Variants in MAPK8 observed in about 807,000 individuals in gnomAD.
The protein encoded by MAPK8 is mitogen-activated protein kinase 8.
In MAPK8, 13 loss-of-function variants were observed where a neutral mutation model predicts 52.9. The ratio of observed to expected loss-of-function variants is 0.25; its 90% CI spans 0.16 to 0.39. MAPK8 has a LOEUF of 0.39. MAPK8 is among the 10% of genes least tolerant of loss of function. MAPK8 has a pLI of 1.00. For missense variants in MAPK8, 300 were observed against 519.2 expected (o/e 0.58, Z 4.10); for synonymous variants, 191 against 169.8 (o/e 1.12, Z -0.97).
Position 48,435,056 on chromosome 10 carries a change from G to A in MAPK8, c.*27G>A. The A allele has an allele frequency of 5.8e-6, 7 of 1,214,550 alleles. No homozygotes were observed. Among genetic ancestry groups the A allele is most frequent in the Non-Finnish European group, 8.0e-6 (7 of 870,318 alleles). 75.2% of individuals were successfully genotyped at this position (1,214,550 alleles called of 1,614,324 possible). ...TACTTGGGCCATCGGGGGGTGGGAG[G>A]GATGGGGAGTCGGTTAGTCATTGAT... is the stretch of plus-strand genomic sequence containing the variant. On this transcript the variant is annotated 3_prime_UTR_variant, in exon 12 of 12. Transcript: ENST00000374189.
intron 5 of MAPK8, among the ~76,000 whole-genome samples, chr10:48,411,220 T>C (rs147180741): frequency 7.4e-4 from 113 of 152,354 alleles, no homozygotes; most frequent in African/African-American, 1.8e-3. Context: ...TTTAGTCTTA[T>C]GGGCTCTTCT....
chr10:48,381,896 G>A (rs979838268), intron 1 of MAPK8, among the ~76,000 whole-genome samples: 1 of 152,086 alleles, frequency 6.6e-6, no homozygotes, highest in African/African-American at 2.4e-5. Context: ...CAGTCATACT[G>A]AGTCGCAACT....
At chr10:48,409,421 C>T (rs1412394826) in intron 3 of MAPK8, among the ~76,000 whole-genome samples, 5 of 151,796 alleles carry the variant, frequency 3.3e-5, no homozygotes, top group African/African-American at 7.3e-5. Context: ...GGGTTAAACA[C>T]AATAGTGTGA....
At chr10:48,341,972 A>G (rs1845320207) in intron 1 of MAPK8, among the ~76,000 whole-genome samples, 2 of 152,250 alleles carry the variant, frequency 1.3e-5, no homozygotes, top group Non-Finnish European at 2.9e-5. Flanking sequence ...GGCATATGCC[A>G]AGGAACTGAG....
intron 10 of MAPK8, among the ~76,000 whole-genome samples, chr10:48,429,519 T>G (rs2044000413): frequency 6.6e-6 from 1 of 152,194 alleles, no homozygotes; most frequent in South Asian, 2.1e-4. Context: ...AGCCATTAAT[T>G]ACAGATGGCT....
chr10:48,434,992 T>A lies in MAPK8; in HGVS notation c.1247T>A (p.Leu416Gln). 6.3e-7 allele frequency: 1 copy of A among 1,598,376 alleles called. No individual in the cohort carries two copies. The highest frequency in any genetic ancestry group is 8.5e-7 in the Non-Finnish European group (1 of 1,176,114). The change falls in exon 12 of 12, where the codon CTA becomes CAA. Residue 416 changes from leucine to glutamine, a missense_variant. Transcript: ENST00000374189. ...TTGGCCTCTGATACAGACAGCAGTC[T>A]AGAAGCAGCAGCTGGGCCTCTGGGC... is the stretch of plus-strand genomic sequence containing the variant. The part of the protein sequence containing the change: ...PTLASDTDSS[L>Q]EAAAGPLGCC...
intron 1 of MAPK8, among the ~76,000 whole-genome samples, chr10:48,342,684 A>C (rs1845412894): frequency 6.6e-6 from 1 of 152,172 alleles, no homozygotes; most frequent in Admixed American, 6.5e-5. Flanking sequence ...TGATAGGAGG[A>C]GTAACTCCTC....
intron 1 of MAPK8, among the ~76,000 whole-genome samples, chr10:48,354,002 A>C (rs190562553): frequency 7.9e-5 from 12 of 152,332 alleles, no homozygotes; most frequent in Admixed American, 4.6e-4. Flanking sequence ...AAAGCGATAC[A>C]TAGCTATACA....
In MAPK8 at chr10:48,393,114, C is replaced by T. The variant is rs1032767247; in HGVS notation, c.-49-8498C>T. 4.6e-5 allele frequency among the ~76,000 whole-genome samples: 7 copies of T among 152,182 alleles called. No homozygotes were observed. The East Asian group carries it at 1.4e-3, about 29-fold the overall frequency. ...CTCATTAAATGTGGTTGTTATAAAG[C>T]TGAATCTTAGGTATCTTTTTACTTA... is the stretch of plus-strand genomic sequence containing the variant. On this transcript the variant is annotated intron_variant, in intron 1 of 11. Transcript: ENST00000374189.
At chr10:48,401,243 C>G (rs2042144237) in intron 1 of MAPK8, among the ~76,000 whole-genome samples, 1 of 152,116 alleles carries the variant, frequency 6.6e-6, no homozygotes, top group African/African-American at 2.4e-5. Flanking sequence ...TTTTTATTCT[C>G]TATAATAAGC....
At position 48,435,505 on chromosome 10, in the gene MAPK8, CA is replaced by C. The variant is rs1202407167; in HGVS notation, c.*477del. On this transcript the variant is annotated 3_prime_UTR_variant, in exon 12 of 12. Transcript: ENST00000374189. ...TATGTGCTTATCAATGAAATAACCC[CA>C]GAGGAGTGAGGGAAAATAACTTGTA... 2.6e-5 allele frequency: 4 copies of C among 152,308 alleles called. No homozygotes were observed. In the East Asian group the frequency reaches 7.7e-4, roughly 29 times the overall value. The allele number at this position is 152,308 out of a possible 1,614,324, so 9.4% of individuals were successfully genotyped here. A position where few individuals can be genotyped will look rare whatever the true frequency, so the allele number is the denominator to read the frequency against.
chr10:48,330,111 CAT>C (rs1170208984), intron 1 of MAPK8, among the ~76,000 whole-genome samples: 3 of 152,124 alleles, frequency 2.0e-5, no homozygotes, highest in Non-Finnish European at 4.4e-5. Flanking sequence ...ATACAAAAAT[CAT>C]ATTAGCTTAC....
intron 1 of MAPK8, among the ~76,000 whole-genome samples, chr10:48,314,005 C>G (rs1421023926): frequency 6.6e-6 from 1 of 152,166 alleles, no homozygotes; most frequent in Non-Finnish European, 1.5e-5. Flanking sequence ...TTATATCAGT[C>G]ATATCAGTAT....
rs1436873893 is a variant in MAPK8 at position 48,423,189 on chromosome 10, G to T, written c.617-899G>T. Among the ~76,000 whole-genome samples the T allele has an allele frequency of 2.6e-5, 4 of 152,170 alleles. No homozygotes were observed. In the East Asian group the frequency reaches 5.8e-4, roughly 22 times the overall value. On this transcript the variant is annotated intron_variant, in intron 6 of 11. Transcript: ENST00000374189. ...CCTTAGTAAGTGGAGATTCCAAATT[G>T]TCTGTTTCTGTGTCTAGCAGATTCT...
At chr10:48,311,411 T>A (rs761499322) in intron 1 of MAPK8, among the ~76,000 whole-genome samples, 6 of 152,186 alleles carry the variant, frequency 3.9e-5, no homozygotes, top group Non-Finnish European at 2.9e-5. Context: ...CCTCTCTATC[T>A]TAAAATTTGG....
intron 1 of MAPK8, among the ~76,000 whole-genome samples, chr10:48,337,129 C>CA (rs1409133554): frequency 1.3e-5 from 2 of 152,134 alleles, no homozygotes; most frequent in Non-Finnish European, 2.9e-5. Flanking sequence ...ACGTAATACA[C>CA]ACGTACAGAA....
At chr10:48,344,436 A>G (rs1245840903) in intron 1 of MAPK8, among the ~76,000 whole-genome samples, 1 of 152,228 alleles carries the variant, frequency 6.6e-6, no homozygotes, top group Non-Finnish European at 1.5e-5. Flanking sequence ...CATCAGGTAC[A>G]TAACCAAAGC....
At chr10:48,408,986 G>A (rs77080412) in intron 3 of MAPK8, among the ~76,000 whole-genome samples, 1,710 of 152,188 alleles carry the variant, frequency 0.011, 36 homozygotes, top group African/African-American at 0.039. Flanking sequence ...CATTATGAGC[G>A]CCCCACTCTC....
At chr10:48,329,417 A>G (rs1469925047) in intron 1 of MAPK8, among the ~76,000 whole-genome samples, 2 of 152,102 alleles carry the variant, frequency 1.3e-5, no homozygotes, top group African/African-American at 2.4e-5. Flanking sequence ...AGAGCGGTGT[A>G]TTGCTTTGAG....
Sources: gnomAD v4.1 joint callset for allele counts (sites outside exome capture counted in the v4.1 genomes callset) on GRCh38, gnomAD v4.1.1 for gene constraint, MANE v1.5 for transcripts, NCBI Gene and HGNC (gene_info 2026-07-23, HGNC 2026-07-21) for gene names.